The following MAP7 variants were observed in gnomAD, a reference collection of about 807,000 sequenced individuals.
MAP7 encodes microtubule associated protein 7, also known as ensconsin.
A neutral mutation model predicts 94.8 loss-of-function variants in MAP7; 52 were observed. The ratio of observed to expected loss-of-function variants is 0.55; its 90% CI spans 0.44 to 0.69. The LOEUF is 0.69. Ranked by LOEUF, MAP7 falls within the 30% of genes least tolerant of loss-of-function variation. The pLI, the probability that MAP7 is intolerant of heterozygous loss-of-function variation, is 0.00. For synonymous variants in MAP7, 350 were observed against 357.0 expected, an observed-to-expected ratio of 0.98 and a Z score of 0.22; for missense variants, 940 against 964.6, an observed-to-expected ratio of 0.97 and a Z score of 0.34.
At chr6:136,425,886 A>G (rs192019833) in intron 1 of MAP7, among the ~76,000 whole-genome samples, 84 of 152,302 alleles carry the variant, frequency 5.5e-4, no homozygotes, top group African/African-American at 1.9e-3. Context: ...TCCTACTTGC[A>G]TTTATTCGAA....
At chr6:136,529,547 C>T (rs187982248) in intron 1 of MAP7, among the ~76,000 whole-genome samples, 63 of 152,290 alleles carry the variant, frequency 4.1e-4, no homozygotes, top group African/African-American at 1.4e-3. Context: ...AGCCCTCCAA[C>T]AATCAGTAAG....
chr6:136,368,423 G>T (rs1794869962), intron 8 of MAP7, among the ~76,000 whole-genome samples: 1 of 152,050 alleles, frequency 6.6e-6, no homozygotes, highest in African/African-American at 2.4e-5. Context: ...AGCAGGAAAA[G>T]GACTTTAATT....
chr6:136,474,442 A>G (rs1286039272), intron 1 of MAP7, among the ~76,000 whole-genome samples: 1 of 152,174 alleles, frequency 6.6e-6, no homozygotes, highest in Non-Finnish European at 1.5e-5. Context: ...TGGACCAGAA[A>G]TGGACATAAG....
Position 136,360,795 on chromosome 6 carries a change from C to T in MAP7, c.1705G>A (p.Glu569Lys), listed in dbSNP as rs1353944855. The change falls in exon 13 of 18, where the codon GAA (glutamate) becomes AAA (lysine). Residue 569 changes from glutamate to lysine, a missense_variant. Transcript: ENST00000354570. ...EEAERAQRQK[E>K]EEARVREEAE... Reference sequence around the variant, plus strand: ...TCTTCACGAACGCGAGCTTCTTCTTCTTTCTGAAAACAGAAGGTCGGCGTC... The same window carrying T: ...TCTTCACGAACGCGAGCTTCTTCTTTTTTCTGAAAACAGAAGGTCGGCGTC... 6.2e-7 allele frequency: 1 copy of T among 1,612,806 alleles called. No homozygotes were observed. Among genetic ancestry groups the T allele is most frequent in the Non-Finnish European group, 8.5e-7 (1 of 1,179,914 alleles).
At chr6:136,409,828 A>G (rs1562367347) in intron 3 of MAP7, among the ~76,000 whole-genome samples, 1 of 152,218 alleles carries the variant, frequency 6.6e-6, no homozygotes, top group Non-Finnish European at 1.5e-5. Context: ...TCTTTTTGTC[A>G]TCTTTTAAAT....
At chr6:136,468,354 C>T (rs1807830006) in intron 1 of MAP7, among the ~76,000 whole-genome samples, 1 of 152,018 alleles carries the variant, frequency 6.6e-6, no homozygotes, top group Non-Finnish European at 1.5e-5. Context: ...TCACAACAAC[C>T]CTATTATGAC....
chr6:136,395,198 G>A (rs1190833865), intron 3 of MAP7, among the ~76,000 whole-genome samples: 4 of 151,246 alleles, frequency 2.6e-5, no homozygotes, highest in Admixed American at 2.6e-4. Context: ...GTGTACTGGT[G>A]TTCCCCTTTC....
intron 3 of MAP7, among the ~76,000 whole-genome samples, chr6:136,398,575 T>G (rs1783174034): frequency 6.6e-6 from 1 of 152,172 alleles, no homozygotes; most frequent in African/African-American, 2.4e-5. Flanking sequence ...TCCCCCATAT[T>G]GTTTTTGTGG....
At chr6:136,348,839 C>A (rs528442377) in intron 16 of MAP7, among the ~76,000 whole-genome samples, 22 of 151,944 alleles carry the variant, frequency 1.4e-4, no homozygotes, top group Non-Finnish European at 2.5e-4. Context: ...CCAAAATTAC[C>A]AAAAACTTCT....
At chr6:136,407,611 T>C (rs1302397989) in intron 3 of MAP7, among the ~76,000 whole-genome samples, 4 of 152,064 alleles carry the variant, frequency 2.6e-5, no homozygotes, top group Non-Finnish European at 5.9e-5. Flanking sequence ...AGGGTTAGAG[T>C]ATGTCAACTT....
intron 16 of MAP7, among the ~76,000 whole-genome samples, chr6:136,354,683 A>G (rs1425063743): frequency 2.0e-5 from 3 of 151,968 alleles, no homozygotes; most frequent in Admixed American, 1.3e-4. Context: ...ATGACAAAGG[A>G]TAATTTATTT....
At chr6:136,399,816 C>T (rs1006404036) in intron 3 of MAP7, among the ~76,000 whole-genome samples, 6 of 152,108 alleles carry the variant, frequency 3.9e-5, no homozygotes, top group African/African-American at 7.2e-5. Context: ...AATCTAATGG[C>T]TTAACCTATG....
At chr6:136,428,495 G>A (rs1793924766) in intron 1 of MAP7, among the ~76,000 whole-genome samples, 2 of 152,030 alleles carry the variant, frequency 1.3e-5, no homozygotes, top group Non-Finnish European at 2.9e-5. Flanking sequence ...ACTCCACCCT[G>A]GGTGACAGAG....
At chr6:136,399,338 A>T (rs1192531222) in intron 3 of MAP7, among the ~76,000 whole-genome samples, 1 of 151,912 alleles carries the variant, frequency 6.6e-6, no homozygotes, top group Admixed American at 6.6e-5. Flanking sequence ...TTACAATTAG[A>T]TTCCTTTTCT....
intron 2 of MAP7, among the ~76,000 whole-genome samples, chr6:136,418,730 C>A: frequency 6.6e-6 from 1 of 151,154 alleles, no homozygotes; most frequent in Admixed American, 6.6e-5. Context: ...TAAAATATCC[C>A]AAAATATATA....
chr6:136,400,884 T>C (rs1783873630), intron 3 of MAP7, among the ~76,000 whole-genome samples: 1 of 152,242 alleles, frequency 6.6e-6, no homozygotes, highest in Non-Finnish European at 1.5e-5. Flanking sequence ...CTGCACATTC[T>C]TCCCTGCTCC....
chr6:136,418,376 G>A (rs951757697), intron 2 of MAP7, among the ~76,000 whole-genome samples: 3 of 152,052 alleles, frequency 2.0e-5, no homozygotes, highest in African/African-American at 4.8e-5. Context: ...TACCATGCCT[G>A]GCTAATTTTT....
chr6:136,515,201 C>T (rs1347440964), intron 1 of MAP7, among the ~76,000 whole-genome samples: 1 of 152,168 alleles, frequency 6.6e-6, no homozygotes, highest in Admixed American at 6.5e-5. Context: ...TCTGCAGTTC[C>T]CTCACCTCTC....
At chr6:136,369,670 G>C (rs954240110) in intron 8 of MAP7, among the ~76,000 whole-genome samples, 1 of 151,998 alleles carries the variant, frequency 6.6e-6, no homozygotes, top group African/African-American at 2.4e-5. Context: ...AATGAAACAA[G>C]GACATTCTCT....
Sources: allele counts gnomAD v4.1 joint callset (sites outside exome capture counted in the v4.1 genomes callset), GRCh38; gene constraint gnomAD v4.1.1; transcripts MANE v1.5; gene names NCBI Gene and HGNC (gene_info 2026-07-23, HGNC 2026-07-21).